Variants in CAPRIN2 observed in about 807,000 individuals in gnomAD.
CAPRIN2 encodes the protein caprin family member 2.
Under a neutral mutation model 130.4 loss-of-function variants are expected in CAPRIN2, and 66 were observed. The observed-to-expected ratio is 0.51, with a 90% CI of 0.42 to 0.62. CAPRIN2 has a LOEUF of 0.62. Ranked by LOEUF, CAPRIN2 falls within the 20% of genes least tolerant of loss-of-function variation. The pLI is 0.00. For synonymous variants in CAPRIN2, 471 were observed against 444.1 expected, an observed-to-expected ratio of 1.06 and a Z score of -0.76; for missense variants, 1,185 against 1,246.6, an observed-to-expected ratio of 0.95 and a Z score of 0.74.
At chr12:30,714,313 C>A (rs370879574) in intron 14 of CAPRIN2, among the ~76,000 whole-genome samples, 2 of 152,182 alleles carry the variant, frequency 1.3e-5, no homozygotes, top group South Asian at 4.1e-4. Flanking sequence ...TCCCAAGTAG[C>A]TGGGACTACA....
intron 15 of CAPRIN2, 119 bp from the exon 18 acceptor site, chr12:30,711,748 C>T (rs1166413345): frequency 1.3e-6 from 1 of 795,966 alleles, no homozygotes; most frequent in Admixed American, 1.9e-5. Context: ...CCTGGCCTTC[C>T]CCAGCAACCA....
intron 2 of CAPRIN2, among the ~76,000 whole-genome samples, chr12:30,741,492 C>T (rs2067417032): frequency 6.6e-6 from 1 of 152,066 alleles, no homozygotes; most frequent in African/African-American, 2.4e-5. Flanking sequence ...GATGAACAAG[C>T]AACTTCAAGA....
exon 4 of CAPRIN2, chr12:30,735,001 T>C (rs777090574): frequency 1.2e-6 from 2 of 1,613,954 alleles, no homozygotes; most frequent in South Asian, 1.1e-5. Flanking sequence ...GCAGGTCAGT[T>C]TTGAAAACTT....
In CAPRIN2 at chr12:30,734,990, G is replaced by C. The variant is rs747360332; in HGVS notation, c.787C>G (p.Pro263Ala). 2.5e-6 allele frequency: 4 copies of C among 1,612,270 alleles called. No homozygotes were observed. In the East Asian group the frequency reaches 8.9e-5, roughly 36 times the overall value. The change falls in exon 4 of 17, where the codon CCT becomes GCT. Residue 263 changes from proline (P) to alanine (A), a missense_variant. Physicochemically the swap from Pro to Ala is conservative, Grantham distance 27. Transcript: ENST00000298892. ...TACCTCAGACTTTCATTTCTTTCAG[G>C]GCAGGTCAGTTTTGAAAACTTAATG...
At chr12:30,740,406 A>G (rs1479641981) in intron 3 of CAPRIN2, among the ~76,000 whole-genome samples, 1 of 152,176 alleles carries the variant, frequency 6.6e-6, no homozygotes. Context: ...CTTGACCTTT[A>G]AAGGACCTTC....
chr12:30,718,750 A>C (rs2058452759), intron 12 of CAPRIN2, among the ~76,000 whole-genome samples: 1 of 152,224 alleles, frequency 6.6e-6, no homozygotes, highest in Non-Finnish European at 1.5e-5. Flanking sequence ...GATATTAGTA[A>C]TGGTTAGTAT....
chr12:30,737,243 A>G (rs117381590), intron 3 of CAPRIN2, among the ~76,000 whole-genome samples: 1,554 of 151,768 alleles, frequency 0.01, 35 homozygotes, highest in East Asian at 0.091. Context: ...AACTCAAGCA[A>G]TCCTCCTCCC....
At chr12:30,715,464 C>G in intron 13 of CAPRIN2, 1 of 465,386 alleles carries the variant, frequency 2.1e-6, no homozygotes, top group Non-Finnish European at 4.3e-6. Context: ...CTAGAGCAGT[C>G]ATTTTCAGAA....
chr12:30,730,775 G>T (rs925727362), intron 6 of CAPRIN2, among the ~76,000 whole-genome samples: 1 of 152,152 alleles, frequency 6.6e-6, no homozygotes, highest in Non-Finnish European at 1.5e-5. Flanking sequence ...TTTCGCTCTT[G>T]CTTATGGCTA....
chr12:30,714,274 T>TG (rs1378274416), intron 14 of CAPRIN2, among the ~76,000 whole-genome samples: 1 of 152,150 alleles, frequency 6.6e-6, no homozygotes. Context: ...CTCAAACTGT[T>TG]GGACTCAAGC....
At chr12:30,749,959 C>A (rs372358769) in intron 2 of CAPRIN2, among the ~76,000 whole-genome samples, 3 of 152,092 alleles carry the variant, frequency 2.0e-5, no homozygotes, top group Admixed American at 6.5e-5. Flanking sequence ...AATCTCCAAC[C>A]CCCTCTCCCC....
At chr12:30,740,906 C>A in intron 3 of CAPRIN2, 114 bp downstream of exon 4, 1 of 647,584 alleles carries the variant, frequency 1.5e-6, no homozygotes, top group Non-Finnish European at 2.7e-6. Context: ...AAAATATCAG[C>A]AGAAATTAGA....
At chr12:30,716,077 TAAGCAA>T (rs1213642414) in intron 13 of CAPRIN2, 1 of 159,748 alleles carries the variant, frequency 6.3e-6, no homozygotes, top group Non-Finnish European at 1.4e-5. Flanking sequence ...CTCCCATCTC[TAAGCAA>T]ACAGTACAAT....
chr12:30,745,842 TATAAAGTA>T (rs2069911413), intron 2 of CAPRIN2, among the ~76,000 whole-genome samples: 1 of 152,120 alleles, frequency 6.6e-6, no homozygotes, highest in Non-Finnish European at 1.5e-5. Context: ...CACACAAAAT[TATAAAGTA>T]ACAACAGAAA....
chr12:30,728,527 C>T (rs2061600608), intron 8 of CAPRIN2, 121 bp downstream of exon 9: 1 of 788,938 alleles, frequency 1.3e-6, no homozygotes, highest in Middle Eastern at 3.5e-4. Flanking sequence ...TGCACTCCAG[C>T]CTGGGTAACA....
intron 15 of CAPRIN2, among the ~76,000 whole-genome samples, chr12:30,713,145 A>G (rs1159525239): frequency 6.6e-6 from 1 of 152,332 alleles, no homozygotes; most frequent in East Asian, 1.9e-4. Context: ...AGAACTCAGT[A>G]TGGTACCATA....
intron 4 of CAPRIN2, among the ~76,000 whole-genome samples, 197 bp from the exon 6 acceptor site, chr12:30,733,908 T>A (rs1219680463): frequency 6.6e-6 from 1 of 152,148 alleles, no homozygotes; most frequent in Non-Finnish European, 1.5e-5. Context: ...AATGTAAGAA[T>A]TTTTCCTTAA....
chr12:30,710,534 CA>C lies in CAPRIN2; in HGVS notation c.2666-65del, dbSNP rs1206678871. ...AGTTAGCTTTGAACACAATATTTAA[CA>C]TTAGTCGGCTACTGAAACAGACAAA... On this transcript the variant is annotated intron_variant, in intron 16 of 16. Coordinates refer to ENST00000298892, the Ensembl canonical transcript of CAPRIN2. The surrounding 1 kb of genome is among the most constrained non-coding windows in gnomAD (Gnocchi z 4.8). 7 of 1,597,132 alleles carry C rather than the reference CA, an allele frequency of 4.4e-6. No individual in the cohort carries two copies. The highest frequency in any genetic ancestry group is 5.1e-6 in the Non-Finnish European group (6 of 1,172,748).
intron 9 of CAPRIN2, among the ~76,000 whole-genome samples, chr12:30,724,970 G>A (rs990045833): frequency 6.6e-5 from 10 of 152,074 alleles, no homozygotes; most frequent in African/African-American, 1.9e-4. Context: ...CCCTAGCCTC[G>A]ACAAGCAGAG....
Sources: gnomAD v4.1 joint callset for allele counts (sites outside exome capture counted in the v4.1 genomes callset) on GRCh38, gnomAD v4.1.1 for gene constraint, Gnocchi (gnomAD v3.1) non-coding constraint, MANE v1.5 for transcripts, NCBI Gene and HGNC (gene_info 2026-07-23, HGNC 2026-07-21) for gene names.